CATIP: variants seen among roughly 807,000 people sequenced by gnomAD.
CATIP encodes ciliogenesis associated TTC17 interacting protein.
In CATIP, 40 loss-of-function variants were observed where a neutral mutation model predicts 42.5. That is an observed-to-expected ratio of 0.94 (90% CI 0.73 to 1.22). CATIP has a LOEUF of 1.22. Ranked by LOEUF, CATIP falls within the 50% of genes most tolerant of loss-of-function variation. The probability of loss-of-function intolerance (pLI) is 0.00; values close to 1 mark genes in which losing one functional copy is unlikely to be tolerated. For synonymous variants in CATIP, 222 were observed against 200.2 expected (o/e 1.11, Z -0.92); for missense variants, 489 against 496.0 (o/e 0.99, Z 0.13).
chr2:218,364,740 T>C lies in CATIP; in HGVS notation c.743T>C (p.Leu248Pro), dbSNP rs553376922. The change falls in exon 7 of 10, where the codon CTG becomes CCG. Residue 248 changes from leucine (L) to proline (P), a missense_variant. Transcript: ENST00000289388. ...EGIPMSCQYY[L>P]LSDGHLAKRI... ...ATCCCCATGTCCTGCCAGTACTACC[T>C]GCTCTCCGATGGGTGAGCTGCTGAT... is the stretch of plus-strand genomic sequence containing the variant. The C allele has an allele frequency of 1.7e-5, 28 of 1,613,276 alleles. No individual in the cohort carries two copies. The South Asian group carries it at 3.1e-4, about 18-fold the overall frequency.
chr2:218,357,135 T>C lies in CATIP; in HGVS notation c.66T>C (p.Cys22=). The change falls in exon 2 of 10, where the codon TGT becomes TGC. Residue 22 remains cysteine (C), a synonymous_variant. Coordinates refer to ENST00000289388, the MANE Select transcript of CATIP (RefSeq NM_198559.2). ...ACCACCAGCCCTCGGGTCCGGAGTG[T>C]CTGCCACTCCCAGAGGCCAATGCTG... ...AKDHQPSGPE[C]LPLPEANAEA... The C allele has an allele frequency of 6.2e-7, 1 of 1,613,936 alleles. No homozygotes were observed. The highest frequency in any genetic ancestry group is 1.1e-5 in the South Asian group (1 of 91,062).
At position 218,358,080 on chromosome 2, in the gene CATIP, A is replaced by G; in HGVS notation, c.363A>G (p.Gln121=). ...TGGAGCTCATGGAACAGCACAGCCA[A>G]GACTTCATCAAGGTACTTCCCAGGG... is the stretch of plus-strand genomic sequence containing the variant. ...EKLELMEQHS[Q]DFIKFLILPM... The change falls in exon 4 of 10, where the codon CAA becomes CAG. Residue 121 remains glutamine, a synonymous_variant. Coordinates refer to ENST00000289388, the MANE Select transcript of CATIP (RefSeq NM_198559.2). 6.2e-7 allele frequency: 1 copy of G among 1,614,006 alleles called. No individual in the cohort carries two copies. The highest frequency in any genetic ancestry group is 8.5e-7 in the Non-Finnish European group (1 of 1,179,924).
rs773848555 is a variant in CATIP at position 218,358,059 on chromosome 2, G to A, written c.342G>A (p.Glu114=). The A allele has an allele frequency of 1.9e-6, 3 of 1,614,136 alleles. No homozygotes were observed. Among genetic ancestry groups the A allele is most frequent in the Non-Finnish European group, 2.5e-6 (3 of 1,180,014 alleles). ...SLLGYLSEKL[E]LMEQHSQDFI... ...CAGGCTATCTCTCAGAGAAGCTGGAGCTCATGGAACAGCACAGCCAAGACT... is the reference window on the plus strand; with the variant it reads ...CAGGCTATCTCTCAGAGAAGCTGGAACTCATGGAACAGCACAGCCAAGACT... Residue 114 remains glutamate, a synonymous_variant, in exon 4 of 10, where the codon GAG becomes GAA. Transcript: ENST00000289388.
intron 5 of CATIP, among the ~76,000 whole-genome samples, 163 bp downstream of exon 5, chr2:218,360,822 A>G (rs1252581852): frequency 6.7e-6 from 1 of 149,248 alleles, no homozygotes; most frequent in African/African-American, 2.5e-5. Context: ...TGGTTGGGGC[A>G]CAGCTTGTTT....
At position 218,357,556 on chromosome 2, in the gene CATIP, GTTC is replaced by G. The variant is rs768289246; in HGVS notation, c.146_148del (p.Phe49del). 3.7e-6 allele frequency: 6 copies of G among 1,613,834 alleles called. No individual in the cohort carries two copies. The highest frequency in any genetic ancestry group is 1.3e-5 in the African/African-American group (1 of 74,872). ...CAGACAAGGAGGAGCTACAGATGCTGTTCTTCTCTGAGACGCTGGCCATGGTCT... is the reference window on the plus strand; with the variant it reads ...CAGACAAGGAGGAGCTACAGATGCTGTTCTCTGAGACGCTGGCCATGGTCT... On this transcript the variant is annotated inframe_deletion, in exon 3 of 10. Coordinates refer to ENST00000289388, the MANE Select transcript of CATIP (RefSeq NM_198559.2).
intron 3 of CATIP, 74 bp downstream of exon 3, chr2:218,357,808 T>G (rs1695088432): frequency 6.7e-7 from 1 of 1,484,066 alleles, no homozygotes; most frequent in South Asian, 1.1e-5. Flanking sequence ...TCCTAGAATC[T>G]TTTTTCAGGA....
chr2:218,362,819 G>A lies in CATIP; in HGVS notation c.547G>A (p.Val183Met). Reference protein sequence around the residue: ...SEAANLVLLRVMAWRRMVPSN... With the variant: ...SEAANLVLLRMMAWRRMVPSN... ...GGCTGCCAACCTGGTGCTGCTCAGG[G>A]TGATGGCCTGGCGGCGGATGGTGCC... is the stretch of plus-strand genomic sequence containing the variant. The change falls in exon 6 of 10, where the codon GTG becomes ATG. Residue 183 changes from valine to methionine, a missense_variant. Transcript: ENST00000289388. 3.1e-6 allele frequency: 5 copies of A among 1,614,124 alleles called. No homozygotes were observed. Among genetic ancestry groups the A allele is most frequent in the Admixed American group, 1.7e-5 (1 of 60,016 alleles).
chr2:218,357,766 C>T, intron 3 of CATIP, 32 bp downstream of exon 3: 1 of 1,579,346 alleles, frequency 6.3e-7, no homozygotes, highest in Non-Finnish European at 8.7e-7. Flanking sequence ...GCCCGTCACT[C>T]TCCCCTTCCT....
At position 218,367,734 on chromosome 2, in the gene CATIP, C is replaced by G. The variant is rs1235177977; in HGVS notation, c.934C>G (p.Leu312Val). 1.8e-5 allele frequency: 29 copies of G among 1,599,846 alleles called. No individual in the cohort carries two copies. The Middle Eastern group carries it at 5.0e-4, about 27-fold the overall frequency. The part of the protein sequence containing the change: ...KFLDRKEELR[L>V]GHASYLRQHP... ...TGTCCCCTGCCAGGAGGAGCTCCGG[C>G]TCGGCCACGCCAGCTATCTGCGGCA... The change falls in exon 10 of 10, where the codon CTC (leucine) becomes GTC (valine). Residue 312 changes from leucine (L) to valine (V), a missense_variant. By Grantham distance (32) the Leu-to-Val change is conservative. Transcript: ENST00000289388.
intron 7 of CATIP, 94 bp downstream of exon 7, chr2:218,364,846 G>A: frequency 7.1e-7 from 1 of 1,400,392 alleles, no homozygotes; most frequent in East Asian, 2.4e-5. Context: ...AGGAAGAACT[G>A]GCATTGAGAT....
In CATIP at chr2:218,360,556, C is replaced by A. The variant is rs759837509; in HGVS notation, c.376-17C>A. On this transcript the variant is annotated splice_polypyrimidine_tract_variant and intron_variant, in intron 4 of 9. Transcript: ENST00000289388. ...CCAGGGAGTCCCTGATCCTCCCCCG[C>A]ATGCTCTGGCCCTCAGTTCCTCATC... The A allele has an allele frequency of 4.4e-6, 7 of 1,606,644 alleles. No individual in the cohort carries two copies. Among genetic ancestry groups the A allele is most frequent in the Admixed American group, 3.3e-5 (2 of 60,008 alleles).
rs200499642 is a variant in CATIP, at chr2:218,357,719, G to T, written c.304G>T (p.Gly102Ter). ...AGGCTTCTTGGACAAAATGCTCTGCGGAAATTCCCTCCTGGGTAGCGTTCC... is the reference window on the plus strand; with the variant it reads ...AGGCTTCTTGGACAAAATGCTCTGCTGAAATTCCCTCCTGGGTAGCGTTCC... Reference protein sequence around the residue: ...SRGFLDKMLCGNSLLGYLSEK... With the variant: ...SRGFLDKMLC Residue 102 changes from glycine to a stop codon, truncating the protein, a stop_gained, in exon 3 of 10, where the codon GGA (glycine) becomes TGA (stop). Coordinates refer to ENST00000289388, the MANE Select transcript of CATIP (RefSeq NM_198559.2). LOFTEE classifies it high-confidence loss of function. 1 of 1,613,470 alleles carries T rather than the reference G, an allele frequency of 6.2e-7. No individual in the cohort carries two copies. Among genetic ancestry groups the T allele is most frequent in the Admixed American group, 1.7e-5 (1 of 60,006 alleles).
At chr2:218,365,153 A>G (rs771535315) in intron 7 of CATIP, among the ~76,000 whole-genome samples, 8 of 152,122 alleles carry the variant, frequency 5.3e-5, no homozygotes, top group Non-Finnish European at 8.8e-5. Flanking sequence ...GGTGGCTCAC[A>G]CCTGTAATCC....
intron 6 of CATIP, 151 bp from the exon 7 acceptor site, chr2:218,364,477 A>T (rs1695354413): frequency 5.4e-6 from 6 of 1,115,614 alleles, no homozygotes; most frequent in Non-Finnish European, 7.7e-6. Context: ...GCTCCCTATG[A>T]GGGGTCGCCA....
chr2:218,367,578 C>G (rs1553518630), intron 9 of CATIP, 60 bp downstream of exon 9: 5 of 1,602,452 alleles, frequency 3.1e-6, no homozygotes, highest in Admixed American at 1.7e-5. Flanking sequence ...AAATTCATTA[C>G]TGATCTCTGC....
chr2:218,359,341 C>CAAAAAAAAAA (rs140677940), intron 4 of CATIP, among the ~76,000 whole-genome samples: 905 of 79,636 alleles, frequency 0.011, 46 homozygotes, highest in African/African-American at 0.044. Flanking sequence ...GACTCTGTCT[C>CAAAAAAAAAA]AAAAAAAAAA....
At chr2:218,362,932 G>T in intron 6 of CATIP, 30 bp downstream of exon 6, 1 of 1,587,860 alleles carries the variant, frequency 6.3e-7, no homozygotes. Flanking sequence ...AGGGGACTTG[G>T]CTTGGGAGCG....
At chr2:218,360,877 C>G (rs1335318336) in intron 5 of CATIP, among the ~76,000 whole-genome samples, 3 of 146,340 alleles carry the variant, frequency 2.1e-5, no homozygotes, top group Admixed American at 1.4e-4. Context: ...GTTGCAGAGG[C>G]TGGAGTGCAA....
At position 218,357,068 on chromosome 2, in the gene CATIP, C is replaced by G. The variant is rs12466035; in HGVS notation, c.26-27C>G. 229 of 1,598,442 alleles carry G rather than the reference C, an allele frequency of 1.4e-4. No individual in the cohort carries two copies. In the African/African-American group the frequency reaches 2.9e-3, roughly 20 times the overall value. ...CCCCTGCCCTTCTCCCCAGGGTCTG[C>G]CATCTTAGCCTCTCATCCCTCTGTA... On this transcript the variant is annotated intron_variant, in intron 1 of 9. Transcript: ENST00000289388.
Sources: gnomAD v4.1 joint callset for allele counts (sites outside exome capture counted in the v4.1 genomes callset) on GRCh38, gnomAD v4.1.1 for gene constraint, MANE v1.5 for transcripts, NCBI Gene and HGNC (gene_info 2026-07-23, HGNC 2026-07-21) for gene names.